JAKMIP2: variants seen among roughly 807,000 people sequenced by gnomAD.
JAKMIP2 encodes the protein janus kinase and microtubule-interacting protein 2.
A neutral mutation model predicts 115.0 loss-of-function variants in JAKMIP2; 25 were observed. The ratio of observed to expected loss-of-function variants is 0.22; its 90% CI spans 0.16 to 0.30. The LOEUF is 0.30. Ranked by LOEUF, JAKMIP2 falls within the 10% of genes least tolerant of loss-of-function variation. JAKMIP2 has a pLI of 1.00. For missense variants in JAKMIP2, 642 were observed against 957.6 expected (o/e 0.67, Z 4.35); for synonymous variants, 334 against 343.6 (o/e 0.97, Z 0.31).
chr5:147,640,973 G>A (rs1306784254), intron 8 of JAKMIP2, 150 bp from the exon 9 acceptor site: 6 of 580,070 alleles, frequency 1.0e-5, no homozygotes, highest in African/African-American at 8.6e-5. Context: ...TTAGGCATGA[G>A]CATAATTCCA....
intron 1 of JAKMIP2, among the ~76,000 whole-genome samples, chr5:147,705,822 T>C (rs1752539328): frequency 6.6e-6 from 1 of 152,228 alleles, no homozygotes. Flanking sequence ...ACTATAGTTC[T>C]ATTTTTTATG....
chr5:147,649,776 G>A (rs1294891162), intron 4 of JAKMIP2, among the ~76,000 whole-genome samples: 8 of 152,000 alleles, frequency 5.3e-5, no homozygotes, highest in Admixed American at 5.2e-4. Flanking sequence ...TAATTGGAAA[G>A]GTATAAGAGT....
intron 1 of JAKMIP2, among the ~76,000 whole-genome samples, chr5:147,679,187 T>C (rs1760131620): frequency 6.6e-6 from 1 of 152,016 alleles, no homozygotes; most frequent in African/African-American, 2.4e-5. Flanking sequence ...CTGTATGTTG[T>C]CCAGGCTGGT....
intron 1 of JAKMIP2, among the ~76,000 whole-genome samples, chr5:147,723,035 G>A (rs1012204501): frequency 3.4e-5 from 4 of 117,514 alleles, no homozygotes; most frequent in Non-Finnish European, 7.6e-5. Flanking sequence ...ATTTAACCAC[G>A]CATCATCAAC....
At chr5:147,660,380 C>A in intron 3 of JAKMIP2, 1 of 399,512 alleles carries the variant, frequency 2.5e-6, no homozygotes, top group Non-Finnish European at 5.0e-6. Context: ...TTTTAAATGA[C>A]TCCTGTATAC....
chr5:147,732,839 C>T (rs1753784907), intron 1 of JAKMIP2, among the ~76,000 whole-genome samples: 1 of 152,168 alleles, frequency 6.6e-6, no homozygotes, highest in Admixed American at 6.6e-5. Context: ...TTCTTAATTT[C>T]ACGCTGTGAT....
At chr5:147,750,561 T>TACACACACACACACACAC (rs151015424) in intron 1 of JAKMIP2, among the ~76,000 whole-genome samples, 1,451 of 142,828 alleles carry the variant, frequency 0.01, 13 homozygotes, top group Non-Finnish European at 0.014. Flanking sequence ...TGCCAGAAAA[T>TACACACACACACACACAC]ACACACACAC....
intron 1 of JAKMIP2, among the ~76,000 whole-genome samples, chr5:147,705,188 T>C (rs1752515836): frequency 6.6e-6 from 1 of 152,110 alleles, no homozygotes; most frequent in Non-Finnish European, 1.5e-5. Flanking sequence ...TCAAGCTGAG[T>C]TTGAACCCTC....
chr5:147,614,358 AT>A (rs1179272643), intron 19 of JAKMIP2, among the ~76,000 whole-genome samples: 2 of 152,204 alleles, frequency 1.3e-5, no homozygotes, highest in Non-Finnish European at 2.9e-5. Context: ...GTCCACACAT[AT>A]TTTTTTGTCA....
At chr5:147,668,875 T>G (rs538745397) in intron 2 of JAKMIP2, among the ~76,000 whole-genome samples, 2 of 152,296 alleles carry the variant, frequency 1.3e-5, no homozygotes, top group Non-Finnish European at 2.9e-5. Flanking sequence ...TATCAGCCCA[T>G]GACAGATAGT....
chr5:147,742,155 A>ATATATAT lies in JAKMIP2; in HGVS notation c.-149+40300_-149+40301insATATATA. On this transcript the variant is annotated intron_variant, in intron 1 of 21. Transcript: ENST00000616793. ...TGTGGATCATTATATATATATATAT[A>ATATATAT]TTTTTTTTACTATTGTATTGTATCT... is the stretch of plus-strand genomic sequence containing the variant. 6.4e-5 allele frequency among the ~76,000 whole-genome samples: 7 copies of ATATATAT among 108,908 alleles called. 1 individual carries two copies. Among genetic ancestry groups the ATATATAT allele is most frequent in the African/African-American group, 2.6e-4 (7 of 26,452 alleles). 71.4% of individuals were successfully genotyped at this position (108,908 alleles called of 152,430 possible).
chr5:147,760,990 C>T (rs1754912118), intron 1 of JAKMIP2, among the ~76,000 whole-genome samples: 1 of 152,050 alleles, frequency 6.6e-6, no homozygotes, highest in Non-Finnish European at 1.5e-5. Flanking sequence ...AATTCTATGA[C>T]CTCATATTTG....
intron 20 of JAKMIP2, among the ~76,000 whole-genome samples, chr5:147,610,620 A>C (rs10037567): frequency 0.95 from 144,778 of 152,272 alleles, 69,222 homozygotes; most frequent in East Asian, 1. Flanking sequence ...TGTCTGTCGA[A>C]CCCTCCTGGG....
rs1274012451 is a variant in JAKMIP2 at position 147,764,823 on chromosome 5, T to C, written c.-149+17633A>G. 6.7e-5 allele frequency among the ~76,000 whole-genome samples: 10 copies of C among 148,582 alleles called. No homozygotes were observed. In the East Asian group the frequency reaches 1.4e-3, roughly 21 times the overall value. On this transcript the variant is annotated intron_variant, in intron 1 of 21. Coordinates refer to ENST00000616793, the MANE Select transcript of JAKMIP2 (RefSeq NM_001270941.2). ...ATTGCTTGAACCCAGGAGGCAGAGG[T>C]TGCAGTGAGCCAAGATCATGCCACT...
At chr5:147,652,825 C>T (rs1019108110) in intron 3 of JAKMIP2, among the ~76,000 whole-genome samples, 2 of 152,134 alleles carry the variant, frequency 1.3e-5, no homozygotes, top group African/African-American at 4.8e-5. Context: ...GCCCCGCATG[C>T]ATTAGGTGTT....
chr5:147,653,221 A>AG (rs1758496625), intron 3 of JAKMIP2, among the ~76,000 whole-genome samples: 1 of 152,184 alleles, frequency 6.6e-6, no homozygotes, highest in Non-Finnish European at 1.5e-5. Context: ...TTGGATGTAT[A>AG]ACCAGTAATG....
intron 1 of JAKMIP2, among the ~76,000 whole-genome samples, chr5:147,679,399 T>A (rs1760143161): frequency 6.6e-6 from 1 of 152,200 alleles, no homozygotes; most frequent in Non-Finnish European, 1.5e-5. Flanking sequence ...TTCTTAGCTT[T>A]TGGTAGATGT....
chr5:147,657,571 C>G (rs1012914022), intron 3 of JAKMIP2, among the ~76,000 whole-genome samples: 6 of 152,128 alleles, frequency 3.9e-5, no homozygotes, highest in South Asian at 2.1e-4. Context: ...TGGAGAAGTT[C>G]TCCTGCATAA....
chr5:147,600,923 C>T (rs1755660033), intron 21 of JAKMIP2, among the ~76,000 whole-genome samples: 1 of 152,010 alleles, frequency 6.6e-6, no homozygotes, highest in African/African-American at 2.4e-5. Context: ...TCCACTTAGC[C>T]TGCTTTCTTG....
Sources: allele counts gnomAD v4.1 joint callset (sites outside exome capture counted in the v4.1 genomes callset), GRCh38; gene constraint gnomAD v4.1.1; transcripts MANE v1.5; gene names NCBI Gene and HGNC (gene_info 2026-07-23, HGNC 2026-07-21).